The following AGBL1 variants were observed in gnomAD, a reference collection of about 807,000 sequenced individuals.
The protein encoded by AGBL1 is cytosolic carboxypeptidase 4.
A neutral mutation model predicts 118.9 loss-of-function variants in AGBL1; 130 were observed. That is an observed-to-expected ratio of 1.09 (90% CI 0.95 to 1.26). The LOEUF (loss-of-function observed/expected upper bound fraction) is 1.26, where lower values mean the gene tolerates loss of function less well. Ranked by LOEUF, AGBL1 falls within the 50% of genes most tolerant of loss-of-function variation. The pLI is 0.00. For synonymous variants in AGBL1, 555 were observed against 478.9 expected, an observed-to-expected ratio of 1.16 and a Z score of -2.08; for missense variants, 1,584 against 1,298.1, an observed-to-expected ratio of 1.22 and a Z score of -3.38.
chr15:86,641,211 ATATT>A (rs1364564056), intron 21 of AGBL1, among the ~76,000 whole-genome samples: 1 of 152,194 alleles, frequency 6.6e-6, no homozygotes, highest in East Asian at 1.9e-4. Context: ...TTCTTAAGTA[ATATT>A]TATTCAGGCT....
At chr15:86,253,459 C>T (rs1404416215) in intron 7 of AGBL1, among the ~76,000 whole-genome samples, 2 of 152,062 alleles carry the variant, frequency 1.3e-5, no homozygotes, top group Non-Finnish European at 2.9e-5. Flanking sequence ...CCTTGTTGGC[C>T]AGGCTGGTCT....
intron 22 of AGBL1, among the ~76,000 whole-genome samples, chr15:86,848,975 T>TA (rs1304342256): frequency 6.6e-6 from 1 of 152,162 alleles, no homozygotes; most frequent in African/African-American, 2.4e-5. Context: ...TCAACTGTAG[T>TA]AAAGCAACCT....
intron 6 of AGBL1, among the ~76,000 whole-genome samples, chr15:86,246,873 A>G (rs116613037): frequency 0.015 from 2,199 of 150,328 alleles, 58 homozygotes; most frequent in African/African-American, 0.048. Context: ...ACCTAACCTG[A>G]TAGTCAGCTC....
intron 21 of AGBL1, among the ~76,000 whole-genome samples, chr15:86,604,783 T>C (rs535525695): frequency 6.6e-6 from 1 of 151,456 alleles, no homozygotes; most frequent in Non-Finnish European, 1.5e-5. Context: ...TCTTTCTTTT[T>C]TTTTCTTTTC....
chr15:86,221,784 C>G (rs2078284552), intron 5 of AGBL1, among the ~76,000 whole-genome samples: 1 of 151,882 alleles, frequency 6.6e-6, no homozygotes, highest in Non-Finnish European at 1.5e-5. Context: ...ACTTATATCA[C>G]ATTCCCAGTA....
At chr15:86,669,101 TA>T (rs199730409) in intron 21 of AGBL1, among the ~76,000 whole-genome samples, 7 of 150,654 alleles carry the variant, frequency 4.6e-5, no homozygotes, top group African/African-American at 1.2e-4. Context: ...ACTTTAATGT[TA>T]AAAAAAAAAG....
intron 21 of AGBL1, among the ~76,000 whole-genome samples, chr15:86,664,674 C>T (rs1287452587): frequency 6.6e-6 from 1 of 151,988 alleles, no homozygotes; most frequent in East Asian, 1.9e-4. Context: ...TAGGTGATAC[C>T]AGGTAGTTCA....
chr15:86,896,339 A>G (rs1169831471), intron 22 of AGBL1, among the ~76,000 whole-genome samples: 3 of 151,660 alleles, frequency 2.0e-5, no homozygotes, highest in African/African-American at 4.8e-5. Flanking sequence ...TTTTGAGTGT[A>G]TCTTCTGCAG....
At chr15:86,216,372 A>T (rs968097128) in intron 5 of AGBL1, among the ~76,000 whole-genome samples, 2 of 152,152 alleles carry the variant, frequency 1.3e-5, no homozygotes, top group Non-Finnish European at 2.9e-5. Context: ...ATCTTTCTTC[A>T]TTAAGTATCA....
At chr15:86,780,875 C>T (rs1207375636) in intron 22 of AGBL1, among the ~76,000 whole-genome samples, 1 of 151,954 alleles carries the variant, frequency 6.6e-6, no homozygotes, top group Non-Finnish European at 1.5e-5. Flanking sequence ...ACCATGTTTG[C>T]CTGTCTGATT....
At chr15:86,607,875 G>A (rs886335069) in intron 21 of AGBL1, among the ~76,000 whole-genome samples, 3 of 152,146 alleles carry the variant, frequency 2.0e-5, no homozygotes, top group African/African-American at 4.8e-5. Flanking sequence ...TCAAGCTGGG[G>A]TAAGGAAAGT....
At chr15:86,340,759 C>T (rs751278652) in intron 17 of AGBL1, among the ~76,000 whole-genome samples, 16 of 152,264 alleles carry the variant, frequency 1.1e-4, no homozygotes, top group East Asian at 1.9e-4. Flanking sequence ...GGGGATGCCA[C>T]GGTTACTGCC....
At chr15:86,944,719 A>C (rs1265808897) in intron 23 of AGBL1, among the ~76,000 whole-genome samples, 1 of 152,190 alleles carries the variant, frequency 6.6e-6, no homozygotes. Flanking sequence ...CCTTCAATTC[A>C]TTTTCAGAAA....
At chr15:86,832,744 T>G (rs1171637183) in intron 22 of AGBL1, among the ~76,000 whole-genome samples, 1 of 152,230 alleles carries the variant, frequency 6.6e-6, no homozygotes, top group South Asian at 2.1e-4. Flanking sequence ...TCTTCCTGCC[T>G]TCTTCTGAGT....
chr15:86,141,068 A>G (rs956375206), intron 1 of AGBL1, among the ~76,000 whole-genome samples: 1 of 152,170 alleles, frequency 6.6e-6, no homozygotes, highest in African/African-American at 2.4e-5. Flanking sequence ...TTACAGTGCA[A>G]AGAGCGCTGG....
At chr15:86,316,653 G>C (rs1220778819) in intron 17 of AGBL1, 2 of 152,352 alleles carry the variant, frequency 1.3e-5, no homozygotes, top group Non-Finnish European at 2.9e-5. Context: ...TATCTGTGAG[G>C]TGGAGGAGCA....
At chr15:86,294,279 A>G (rs2079596107) in intron 16 of AGBL1, among the ~76,000 whole-genome samples, 2 of 151,680 alleles carry the variant, frequency 1.3e-5, no homozygotes. Context: ...GGTGCCTGTA[A>G]TCCCAGCTAC....
intron 21 of AGBL1, among the ~76,000 whole-genome samples, chr15:86,559,912 T>C (rs1048043726): frequency 6.6e-6 from 1 of 152,134 alleles, no homozygotes; most frequent in Non-Finnish European, 1.5e-5. Context: ...TGGCTGTAAT[T>C]AAGCAGATCT....
intron 6 of AGBL1, among the ~76,000 whole-genome samples, chr15:86,232,653 G>A (rs2078474882): frequency 6.6e-6 from 1 of 152,128 alleles, no homozygotes; most frequent in Admixed American, 6.5e-5. Flanking sequence ...GACTTACGGA[G>A]GGCAGGAGCA....
Sources: gnomAD v4.1 joint callset for allele counts (sites outside exome capture counted in the v4.1 genomes callset) on GRCh38, gnomAD v4.1.1 for gene constraint, MANE v1.5 for transcripts, NCBI Gene and HGNC (gene_info 2026-07-23, HGNC 2026-07-21) for gene names.